Variants in FGGY observed in about 807,000 individuals in gnomAD.
FGGY encodes FGGY carbohydrate kinase domain-containing protein.
FGGY carries 72 observed loss-of-function variants against 71.3 expected under a neutral mutation model. That is an observed-to-expected ratio of 1.01 (90% CI 0.84 to 1.23). The LOEUF (loss-of-function observed/expected upper bound fraction) is 1.23, where lower values mean the gene tolerates loss of function less well. Ranked by LOEUF, FGGY falls within the 50% of genes most tolerant of loss-of-function variation. The pLI, the probability that FGGY is intolerant of heterozygous loss-of-function variation, is 0.00. For missense variants in FGGY, 668 were observed against 682.3 expected, an observed-to-expected ratio of 0.98 and a Z score of 0.23; for synonymous variants, 251 against 250.3, an observed-to-expected ratio of 1.00 and a Z score of -0.02.
rs1404025304 is a variant in FGGY, at chr1:59,534,321, TG to T, written c.800-19800del. ...AAACGAACAAAGCCTCCAAGAAATA[TG>T]GGACTATGTGAAAAGACCAAATCTA... On this transcript the variant is annotated intron_variant, in intron 7 of 15. Coordinates refer to ENST00000303721, the MANE Select transcript of FGGY (RefSeq NM_018291.5). Among the ~76,000 whole-genome samples, 20 of 152,206 alleles carry T rather than the reference TG, an allele frequency of 1.3e-4. 1 individual carries two copies. Among genetic ancestry groups the T allele is most frequent in the African/African-American group, 4.1e-4 (17 of 41,526 alleles).
At chr1:59,648,154 G>T (rs1273580435) in intron 11 of FGGY, among the ~76,000 whole-genome samples, 1 of 116,932 alleles carries the variant, frequency 8.6e-6, no homozygotes, top group South Asian at 2.9e-4. Context: ...ATCATTGTTG[G>T]ACATTTGGGT....
chr1:59,567,892 G>C (rs753681551), intron 8 of FGGY, among the ~76,000 whole-genome samples: 14 of 150,056 alleles, frequency 9.3e-5, no homozygotes, highest in Non-Finnish European at 1.6e-4. Context: ...AGGCATACGA[G>C]ATCCAGCATT....
chr1:59,681,803 CAT>C (rs1491039743), intron 14 of FGGY, among the ~76,000 whole-genome samples: 9 of 83,186 alleles, frequency 1.1e-4, no homozygotes, highest in African/African-American at 2.2e-4. Context: ...CACACACACA[CAT>C]GCACACACAC....
At chr1:59,582,931 T>C (rs1443760265) in intron 8 of FGGY, among the ~76,000 whole-genome samples, 1 of 150,066 alleles carries the variant, frequency 6.7e-6, no homozygotes, top group Non-Finnish European at 1.5e-5. Flanking sequence ...TTTGATATTT[T>C]GAAGGCTCTC....
chr1:59,669,097 A>T (rs1163076394), intron 13 of FGGY, among the ~76,000 whole-genome samples: 1 of 152,186 alleles, frequency 6.6e-6, no homozygotes, highest in African/African-American at 2.4e-5. Flanking sequence ...TGTCAGTGTG[A>T]ATCACGCTGT....
Position 59,708,676 on chromosome 1 carries a change from C to T in FGGY, c.1512+34543C>T, listed in dbSNP as rs1394239355. ...ACTAGATTTCTAGAAAGGTAATTCA[C>T]GTTCTCAAAGCCATGGAATCAGAAA... On this transcript the variant is annotated intron_variant, in intron 14 of 15. Transcript: ENST00000303721. Among the ~76,000 whole-genome samples the T allele has an allele frequency of 3.3e-5, 5 of 152,170 alleles. 1 individual carries two copies. The highest frequency in any genetic ancestry group is 1.9e-4 in the East Asian group (1 of 5,200).
At chr1:59,498,167 T>C (rs7537924) in intron 6 of FGGY, among the ~76,000 whole-genome samples, 77,702 of 151,972 alleles carry the variant, frequency 0.51, 20,501 homozygotes, top group African/African-American at 0.64. Flanking sequence ...TACCAGACAC[T>C]GTACCAAGAA....
intron 2 of FGGY, among the ~76,000 whole-genome samples, chr1:59,322,687 A>G (rs1335795644): frequency 6.6e-6 from 1 of 152,192 alleles, no homozygotes; most frequent in Non-Finnish European, 1.5e-5. Flanking sequence ...GCATATGTTC[A>G]CCCTGAGTGG....
chr1:59,430,144 AT>A (rs979365013), intron 5 of FGGY, among the ~76,000 whole-genome samples: 4 of 152,222 alleles, frequency 2.6e-5, no homozygotes, highest in Non-Finnish European at 5.9e-5. Flanking sequence ...TTCTGGTCCC[AT>A]TTTAGAAAAG....
At chr1:59,508,171 A>C (rs1206295337) in intron 6 of FGGY, among the ~76,000 whole-genome samples, 1 of 152,094 alleles carries the variant, frequency 6.6e-6, no homozygotes, top group African/African-American at 2.4e-5. Context: ...AGCCACCCTA[A>C]CTGGACCCTC....
chr1:59,486,914 G>A (rs1007093091), intron 6 of FGGY, among the ~76,000 whole-genome samples: 1 of 152,106 alleles, frequency 6.6e-6, no homozygotes, highest in African/African-American at 2.4e-5. Flanking sequence ...ATTAATTCCG[G>A]TATTTCTTTT....
intron 14 of FGGY, chr1:59,681,127 A>T (rs920376445): frequency 3.9e-5 from 6 of 152,202 alleles, no homozygotes; most frequent in Non-Finnish European, 8.8e-5. Flanking sequence ...TTGTAGCTAT[A>T]AAAAGGTAGA....
chr1:59,538,131 G>A (rs1169556413), intron 7 of FGGY, among the ~76,000 whole-genome samples: 1 of 152,084 alleles, frequency 6.6e-6, no homozygotes, highest in Non-Finnish European at 1.5e-5. Context: ...AATCTACAAT[G>A]AACTCAAACA....
intron 14 of FGGY, among the ~76,000 whole-genome samples, chr1:59,716,035 C>G (rs2097843821): frequency 6.6e-6 from 1 of 152,164 alleles, no homozygotes; most frequent in Admixed American, 6.5e-5. Context: ...AAAAGTTTGC[C>G]TCTGCTTTAA....
intron 2 of FGGY, among the ~76,000 whole-genome samples, chr1:59,326,393 G>A (rs1003167580): frequency 5.9e-5 from 9 of 152,170 alleles, no homozygotes; most frequent in Non-Finnish European, 8.8e-5. Flanking sequence ...GCCACATGTC[G>A]GGTTGAGCAA....
intron 2 of FGGY, among the ~76,000 whole-genome samples, chr1:59,323,842 G>A (rs1376552387): frequency 4.6e-5 from 7 of 152,198 alleles, no homozygotes; most frequent in Non-Finnish European, 8.8e-5. Flanking sequence ...TGCTGATGGT[G>A]ACAGAAAATG....
intron 8 of FGGY, among the ~76,000 whole-genome samples, chr1:59,590,658 C>G (rs1177027681): frequency 6.6e-6 from 1 of 152,130 alleles, no homozygotes; most frequent in Non-Finnish European, 1.5e-5. Flanking sequence ...AAATGTAATC[C>G]AGCATATAAA....
intron 14 of FGGY, among the ~76,000 whole-genome samples, chr1:59,714,407 G>A (rs1323544126): frequency 5.3e-5 from 8 of 152,134 alleles, no homozygotes; most frequent in Admixed American, 2.6e-4. Flanking sequence ...TTCCATCATT[G>A]CTTTGTCTCT....
At chr1:59,488,099 C>T (rs1233378910) in intron 6 of FGGY, among the ~76,000 whole-genome samples, 1 of 152,004 alleles carries the variant, frequency 6.6e-6, no homozygotes, top group Non-Finnish European at 1.5e-5. Flanking sequence ...GACATTATTG[C>T]ATATTCATAT....
Sources: allele counts gnomAD v4.1 joint callset (sites outside exome capture counted in the v4.1 genomes callset), GRCh38; gene constraint gnomAD v4.1.1; transcripts MANE v1.5; gene names NCBI Gene and HGNC (gene_info 2026-07-23, HGNC 2026-07-21).